The following CDYL variants were observed in gnomAD, a reference collection of about 807,000 sequenced individuals.
The protein encoded by CDYL is chromodomain Y like.
Under a neutral mutation model 47.3 loss-of-function variants are expected in CDYL, and 8 were observed. The ratio of observed to expected loss-of-function variants is 0.17; its 90% CI spans 0.10 to 0.31. The LOEUF is 0.31. Among genes scored for constraint, CDYL ranks in the 10% least tolerant of loss-of-function variants. The probability of loss-of-function intolerance (pLI) is 1.00; values close to 1 mark genes in which losing one functional copy is unlikely to be tolerated. For missense variants in CDYL, 471 were observed against 701.4 expected (o/e 0.67, Z 3.71); for synonymous variants, 266 against 265.0 (o/e 1.00, Z -0.04).
intron 2 of CDYL, among the ~76,000 whole-genome samples, chr6:4,892,789 A>G (rs1233662653): frequency 6.6e-6 from 1 of 152,186 alleles, no homozygotes; most frequent in Non-Finnish European, 1.5e-5. Context: ...TATTTTGCTC[A>G]TCTGTGTGAA....
intron 2 of CDYL, among the ~76,000 whole-genome samples, chr6:4,932,991 G>A (rs550710563): frequency 1.3e-5 from 2 of 152,164 alleles, no homozygotes; most frequent in Admixed American, 6.5e-5. Flanking sequence ...TCCCTGCGTC[G>A]CCTCTTCTGC....
intron 1 of CDYL, among the ~76,000 whole-genome samples, chr6:4,811,394 C>T (rs904481128): frequency 6.6e-6 from 1 of 152,116 alleles, no homozygotes; most frequent in African/African-American, 2.4e-5. Context: ...AATAGGCTGT[C>T]ACTGCTAGCT....
intron 1 of CDYL, among the ~76,000 whole-genome samples, chr6:4,891,420 T>C (rs1159480785): frequency 3.9e-5 from 6 of 152,138 alleles, no homozygotes; most frequent in Non-Finnish European, 8.8e-5. Context: ...ACCAACTCGG[T>C]GGTCAGGCTT....
At chr6:4,816,138 G>C (rs1759669291) in intron 1 of CDYL, among the ~76,000 whole-genome samples, 1 of 151,762 alleles carries the variant, frequency 6.6e-6, no homozygotes, top group South Asian at 2.1e-4. Context: ...CTAAATTTCT[G>C]TATATTTCTG....
At chr6:4,728,766 G>A (rs1582288202) in intron 2 of CDYL, among the ~76,000 whole-genome samples, 2 of 152,172 alleles carry the variant, frequency 1.3e-5, no homozygotes, top group African/African-American at 4.8e-5. Flanking sequence ...CCTTCAAAGC[G>A]ATGTCATGGG....
At chr6:4,796,100 C>CA (rs1395637360) in intron 1 of CDYL, among the ~76,000 whole-genome samples, 1 of 152,112 alleles carries the variant, frequency 6.6e-6, no homozygotes, top group Non-Finnish European at 1.5e-5. Context: ...GCTGGGACTA[C>CA]AGGCACGCAC....
intron 1 of CDYL, among the ~76,000 whole-genome samples, chr6:4,878,613 G>C (rs1761680353): frequency 6.6e-6 from 1 of 151,960 alleles, no homozygotes; most frequent in South Asian, 2.1e-4. Context: ...TTTAATGTCT[G>C]TAGGATCTGT....
At chr6:4,751,878 A>G (rs1010917376) in intron 3 of CDYL, among the ~76,000 whole-genome samples, 1 of 152,262 alleles carries the variant, frequency 6.6e-6, no homozygotes, top group Admixed American at 6.5e-5. Flanking sequence ...TTGAAGAAAT[A>G]TTAACATGCT....
intron 3 of CDYL, among the ~76,000 whole-genome samples, chr6:4,749,307 A>ATGGATAGATG (rs1554133644): frequency 2.7e-5 from 4 of 146,618 alleles, no homozygotes; most frequent in Admixed American, 1.4e-4. Context: ...ATGGATGGAT[A>ATGGATAGATG]GATGGATGGA....
intron 3 of CDYL, among the ~76,000 whole-genome samples, chr6:4,751,339 G>A (rs1757986797): frequency 6.6e-6 from 1 of 152,168 alleles, no homozygotes; most frequent in African/African-American, 2.4e-5. Context: ...CCAGACCTAT[G>A]GAGTCAAAAT....
chr6:4,835,894 A>G (rs1760287269), intron 1 of CDYL, among the ~76,000 whole-genome samples: 1 of 152,196 alleles, frequency 6.6e-6, no homozygotes, highest in Non-Finnish European at 1.5e-5. Flanking sequence ...GGTGCGGGAT[A>G]TAATCTCCTG....
chr6:4,748,752 GGA>G (rs1176472851), intron 3 of CDYL, among the ~76,000 whole-genome samples: 1 of 151,978 alleles, frequency 6.6e-6, no homozygotes, highest in Non-Finnish European at 1.5e-5. Context: ...GATGGAAGAA[GGA>G]GAGGTAAAAA....
At chr6:4,827,083 A>G (rs1760001412) in intron 1 of CDYL, among the ~76,000 whole-genome samples, 1 of 152,162 alleles carries the variant, frequency 6.6e-6, no homozygotes, top group African/African-American at 2.4e-5. Context: ...TTTTTGACTT[A>G]AAGTCTGTTT....
At chr6:4,766,829 C>T (rs1758258605) in intron 3 of CDYL, among the ~76,000 whole-genome samples, 1 of 151,718 alleles carries the variant, frequency 6.6e-6, no homozygotes, top group Admixed American at 6.6e-5. Context: ...TCTGGTGAAA[C>T]CCTGTTCTCC....
chr6:4,811,828 G>A (rs904324143), intron 1 of CDYL, among the ~76,000 whole-genome samples: 2 of 152,050 alleles, frequency 1.3e-5, no homozygotes, highest in South Asian at 4.2e-4. Context: ...GGGTCTCACT[G>A]TTACCCGGGC....
At chr6:4,903,864 A>G (rs1364878932) in intron 2 of CDYL, among the ~76,000 whole-genome samples, 3 of 152,178 alleles carry the variant, frequency 2.0e-5, no homozygotes, top group Admixed American at 6.5e-5. Context: ...GTCCCATGCC[A>G]TACACCCATC....
chr6:4,723,877 T>C (rs970448269), intron 2 of CDYL, among the ~76,000 whole-genome samples: 3 of 152,256 alleles, frequency 2.0e-5, no homozygotes, highest in Non-Finnish European at 4.4e-5. Flanking sequence ...AACCGGTCCC[T>C]GCAGAATTAA....
intron 6 of CDYL, among the ~76,000 whole-genome samples, chr6:4,952,859 C>T (rs1001564907): frequency 1.3e-5 from 2 of 152,050 alleles, no homozygotes; most frequent in African/African-American, 4.8e-5. Context: ...CCTCAACCTC[C>T]CGGGTTCAAG....
intron 1 of CDYL, among the ~76,000 whole-genome samples, chr6:4,835,945 G>A (rs1280453923): frequency 2.6e-5 from 4 of 152,188 alleles, no homozygotes; most frequent in South Asian, 2.1e-4. Context: ...CGCAGTATTC[G>A]GGTGGGAGTG....
Sources: gnomAD v4.1 joint callset for allele counts (sites outside exome capture counted in the v4.1 genomes callset) on GRCh38, gnomAD v4.1.1 for gene constraint, MANE v1.5 for transcripts, NCBI Gene and HGNC (gene_info 2026-07-23, HGNC 2026-07-21) for gene names.